Variants in GPR143 observed in about 807,000 individuals in gnomAD.
GPR143 encodes the protein G-protein coupled receptor 143.
Under a neutral mutation model 27.6 loss-of-function variants are expected in GPR143, and 8 were observed. The observed-to-expected ratio is 0.29, with a 90% CI of 0.17 to 0.52. The LOEUF is 0.52. Among genes scored for constraint, GPR143 ranks in the 20% least tolerant of loss-of-function variants. The probability of loss-of-function intolerance (pLI) is 0.96; values close to 1 mark genes in which losing one functional copy is unlikely to be tolerated. For missense variants in GPR143, 303 were observed against 343.1 expected (o/e 0.88, Z 0.92); for synonymous variants, 156 against 153.2 (o/e 1.02, Z -0.13).
intron 1 of GPR143, among the ~76,000 whole-genome samples, chrX:9,764,224 G>A (rs780893073): frequency 5.4e-5 from 6 of 111,313 alleles, no homozygotes; most frequent in Non-Finnish European, 9.4e-5. Flanking sequence ...CCAGGAGGTC[G>A]AGGCTGCAGT....
At position 9,750,875 on chromosome X, in the gene GPR143, T is replaced by C. The variant is rs979612262; in HGVS notation, c.456-2209A>G. On this transcript the variant is annotated intron_variant, in intron 3 of 8. Coordinates refer to ENST00000467482, the MANE Select transcript of GPR143 (RefSeq NM_000273.3). ...GCCGTGCCCGGCCATACATTTCTGC[T>C]ATTTATAAGCTGCCGCCAGTCTGTG... is the stretch of plus-strand genomic sequence containing the variant. Among the ~76,000 whole-genome samples the C allele has an allele frequency of 3.5e-5, 4 of 112,782 alleles. No individual in the cohort carries two copies. The Admixed American group carries it at 3.7e-4, about 11-fold the overall frequency.
chrX:9,764,500 A>ACG (rs1417002044), intron 1 of GPR143, among the ~76,000 whole-genome samples: 10 of 38,214 alleles, frequency 2.6e-4, no homozygotes, highest in South Asian at 2.5e-3. Flanking sequence ...GAATTTACAC[A>ACG]CGCGCACACA....
At chrX:9,772,890 T>C (rs1374814058) in intron 1 of GPR143, among the ~76,000 whole-genome samples, 4 of 107,157 alleles carry the variant, frequency 3.7e-5, no homozygotes, top group African/African-American at 1.0e-4. Flanking sequence ...AATTTTCATA[T>C]AGCTCAGAGT....
chrX:9,734,284 G>A (rs1476555165), intron 8 of GPR143, among the ~76,000 whole-genome samples: 2 of 110,352 alleles, frequency 1.8e-5, no homozygotes, highest in Non-Finnish European at 3.8e-5. Flanking sequence ...GAGAGCCATG[G>A]AACTCTGGGA....
At chrX:9,758,755 A>G (rs762703850) in intron 3 of GPR143, among the ~76,000 whole-genome samples, 5 of 110,793 alleles carry the variant, frequency 4.5e-5, no homozygotes, top group Admixed American at 9.7e-5. Context: ...TTGGTGGCAC[A>G]TGTCTGTAGT....
At chrX:9,766,015 T>C (rs982260275), upstream of GPR143, 4 of 306,520 alleles carry the variant, frequency 1.3e-5, no homozygotes, top group African/African-American at 1.1e-4. Flanking sequence ...AGGTGATGCT[T>C]GGGCGGGCGG....
At chrX:9,726,461 A>G (rs2083328196) in intron 8 of GPR143, among the ~76,000 whole-genome samples, 1 of 111,899 alleles carries the variant, frequency 8.9e-6, no homozygotes, top group South Asian at 3.7e-4. Context: ...CTAAATACAC[A>G]GTAGTACATG....
intron 1 of GPR143, among the ~76,000 whole-genome samples, chrX:9,776,076 G>T (rs1385333030): frequency 8.9e-6 from 1 of 111,914 alleles, no homozygotes. Flanking sequence ...TAGAGAATAG[G>T]AAACCCACAT....
chrX:9,754,538 A>G (rs2083465339), intron 3 of GPR143, among the ~76,000 whole-genome samples: 1 of 111,943 alleles, frequency 8.9e-6, no homozygotes, highest in African/African-American at 3.2e-5. Flanking sequence ...ACACCGGGGC[A>G]GAAGTCTGAA....
intron 1 of GPR143, among the ~76,000 whole-genome samples, chrX:9,773,537 T>C (rs745565410): frequency 1.8e-5 from 2 of 110,619 alleles, no homozygotes; most frequent in East Asian, 5.6e-4. Flanking sequence ...ACACATATAC[T>C]TTTTCGTCAT....
intron 3 of GPR143, among the ~76,000 whole-genome samples, chrX:9,754,266 G>A (rs1231159289): frequency 8.9e-6 from 1 of 112,038 alleles, no homozygotes; most frequent in Non-Finnish European, 1.9e-5. Context: ...CAAGCCCAAA[G>A]AGCTTCGGGA....
chrX:9,760,628 C>T, intron 2 of GPR143, 89 bp downstream of exon 2: 1 of 545,247 alleles, frequency 1.8e-6, no homozygotes, highest in Non-Finnish European at 3.2e-6. Context: ...TGAGAACCTG[C>T]ATTTCTAACA....
chrX:9,761,030 GTGTGTGCAGAGAGAGAAA>G, intron 1 of GPR143, among the ~76,000 whole-genome samples: 1 of 111,255 alleles, frequency 9.0e-6, no homozygotes, highest in Non-Finnish European at 1.9e-5. Flanking sequence ...ATACATATTT[GTGTGTGCAGAGAGAGAAA>G]AAGAAGATTG....
At chrX:9,773,630 T>C (rs1334064680) in intron 1 of GPR143, among the ~76,000 whole-genome samples, 1 of 111,383 alleles carries the variant, frequency 9.0e-6, no homozygotes, top group Non-Finnish European at 1.9e-5. Flanking sequence ...CTCAGCACTT[T>C]GGGAGGCCGA....
intron 8 of GPR143, chrX:9,726,096 G>T: frequency 4.3e-6 from 2 of 465,128 alleles, no homozygotes; most frequent in Non-Finnish European, 5.3e-6. Context: ...AATCATCTAG[G>T]CCAGTTGATT....
chrX:9,770,156 C>A (rs768524083), upstream of GPR143, among the ~76,000 whole-genome samples: 328 of 59,740 alleles, frequency 5.5e-3, 4 homozygotes, highest in African/African-American at 0.021. Context: ...CCACCTCCCC[C>A]AGTCAAAAAA....
chrX:9,768,690 T>C (rs1416875082), upstream of GPR143, among the ~76,000 whole-genome samples: 20 of 108,862 alleles, frequency 1.8e-4, no homozygotes, highest in Non-Finnish European at 3.4e-4. Context: ...TTTTTTTTTT[T>C]CCTTTGAGAC....
At position 9,759,393 on chromosome X, in the gene GPR143, A is replaced by G. The variant is rs2146699615; in HGVS notation, c.394T>C (p.Trp132Arg). The G allele has an allele frequency of 8.3e-7, 1 of 1,198,998 alleles. No homozygotes were observed. The highest frequency in any genetic ancestry group is 1.1e-6 in the Non-Finnish European group (1 of 886,185). Residue 132 changes from tryptophan to arginine, a missense_variant, in exon 3 of 9, where the codon TGG (tryptophan) becomes CGG (arginine). Transcript: ENST00000467482. ...WIQLLYSACFWWLFCYAVDAY... is the reference protein window; with the variant it reads ...WIQLLYSACFRWLFCYAVDAY... ...TCCACTGCATAGCAAAACAGCCACCAGAAGCAGGCACTGTACAACAGCTGG... is the reference window on the plus strand; with the variant it reads ...TCCACTGCATAGCAAAACAGCCACCGGAAGCAGGCACTGTACAACAGCTGG...
At chrX:9,727,971 A>T (rs1186585019) in intron 8 of GPR143, among the ~76,000 whole-genome samples, 2 of 112,492 alleles carry the variant, frequency 1.8e-5, no homozygotes, top group African/African-American at 6.5e-5. Flanking sequence ...TGGCTCCTAC[A>T]GTTCATTAAG....
Sources: allele counts gnomAD v4.1 joint callset (sites outside exome capture counted in the v4.1 genomes callset), GRCh38; gene constraint gnomAD v4.1.1; transcripts MANE v1.5; gene names NCBI Gene and HGNC (gene_info 2026-07-23, HGNC 2026-07-21).